Variants in COL6A6 observed in about 807,000 individuals in gnomAD.
COL6A6 encodes collagen type VI alpha 6 chain.
Under a neutral mutation model 208.6 loss-of-function variants are expected in COL6A6, and 183 were observed. That is an observed-to-expected ratio of 0.88 (90% CI 0.78 to 0.99). The LOEUF (loss-of-function observed/expected upper bound fraction) is 0.99. Ranked by LOEUF, COL6A6 falls within the 50% of genes least tolerant of loss-of-function variation. COL6A6 has a pLI of 0.00. For synonymous variants in COL6A6, 973 were observed against 1,011.8 expected, an observed-to-expected ratio of 0.96 and a Z score of 0.73; for missense variants, 2,816 against 2,815.2, an observed-to-expected ratio of 1.00 and a Z score of -0.01.
intron 20 of COL6A6, among the ~76,000 whole-genome samples, chr3:130,606,373 ATGTT>A (rs1238454305): frequency 6.9e-6 from 1 of 145,140 alleles, no homozygotes; most frequent in African/African-American, 2.8e-5. Context: ...TAGCTTTTGA[ATGTT>A]TGAGATAATT....
intron 33 of COL6A6, among the ~76,000 whole-genome samples, chr3:130,657,726 T>A (rs1005201116): frequency 6.6e-6 from 1 of 152,156 alleles, no homozygotes; most frequent in African/African-American, 2.4e-5. Flanking sequence ...TCAGCTATGG[T>A]TGAAGACAGA....
At chr3:130,519,281 A>G (rs1448396245) in intron 1 of COL6A6, among the ~76,000 whole-genome samples, 2 of 152,206 alleles carry the variant, frequency 1.3e-5, no homozygotes, top group Admixed American at 1.3e-4. Context: ...CAATGGTCTT[A>G]AAAATGACTA....
upstream of COL6A6, among the ~76,000 whole-genome samples, chr3:130,517,115 G>T (rs1328247694): frequency 6.6e-6 from 1 of 152,174 alleles, no homozygotes; most frequent in Non-Finnish European, 1.5e-5. Flanking sequence ...CCGCCGGGGC[G>T]GGGAAGGGTC....
At chr3:130,645,312 T>C (rs553056043) in intron 32 of COL6A6, among the ~76,000 whole-genome samples, 70 of 152,342 alleles carry the variant, frequency 4.6e-4, no homozygotes, top group African/African-American at 1.2e-3. Context: ...TGTTGGGGTT[T>C]TTTTTAGACA....
intron 35 of COL6A6, 26 bp downstream of exon 35, chr3:130,662,334 T>C (rs2065959492): frequency 1.3e-6 from 2 of 1,590,216 alleles, no homozygotes; most frequent in Non-Finnish European, 1.7e-6. Flanking sequence ...TGTTGTTCTC[T>C]GCACTTTAAG....
rs748094274 is a variant in COL6A6, at chr3:130,591,101, C to G, written c.4272+7C>G. 1 of 1,574,670 alleles carries G rather than the reference C, an allele frequency of 6.4e-7. No individual in the cohort carries two copies. Among genetic ancestry groups the G allele is most frequent in the Non-Finnish European group, 8.6e-7 (1 of 1,156,902 alleles). On this transcript the variant is annotated splice_region_variant and intron_variant, in intron 13 of 36. Coordinates refer to ENST00000358511, the MANE Select transcript of COL6A6 (RefSeq NM_001102608.3). ...GGGAGAGGAGGGAATCGCTGTAAGTCAGGGCTCTTTTTTACCTCCATTTAT... is the reference window on the plus strand; with the variant it reads ...GGGAGAGGAGGGAATCGCTGTAAGTGAGGGCTCTTTTTTACCTCCATTTAT...
chr3:130,531,868 G>A (rs754741896), intron 1 of COL6A6, among the ~76,000 whole-genome samples: 4 of 152,128 alleles, frequency 2.6e-5, no homozygotes, highest in Non-Finnish European at 5.9e-5. Context: ...TGGTTATAAT[G>A]TAAAAGCAAT....
intron 22 of COL6A6, among the ~76,000 whole-genome samples, chr3:130,610,318 A>G (rs1375636701): frequency 1.3e-5 from 2 of 152,212 alleles, no homozygotes; most frequent in Non-Finnish European, 1.5e-5. Flanking sequence ...TTTCAGATGT[A>G]TATTTGTAAG....
chr3:130,673,220 A>C lies in COL6A6; in HGVS notation c.6597-1982A>C, dbSNP rs577607556. 7.7e-4 allele frequency among the ~76,000 whole-genome samples: 100 copies of C among 129,638 alleles called. 1 individual carries two copies. The highest frequency in any genetic ancestry group is 1.1e-3 in the Non-Finnish European group (68 of 60,810). The allele number at this position is 129,638 out of a possible 152,430, so 85.0% of individuals were successfully genotyped here. ...AAAACAAAAAAAACAAAAAAAACAAAAAAAAAAAACAAAACCCAAGTGCAA... is the reference window on the plus strand; with the variant it reads ...AAAACAAAAAAAACAAAAAAAACAACAAAAAAAAACAAAACCCAAGTGCAA... On this transcript the variant is annotated intron_variant, in intron 36 of 36. Coordinates refer to ENST00000358511, the MANE Select transcript of COL6A6 (RefSeq NM_001102608.3).
chr3:130,526,980 G>A (rs113471422), intron 1 of COL6A6, among the ~76,000 whole-genome samples: 31 of 146,438 alleles, frequency 2.1e-4, no homozygotes, highest in African/African-American at 3.0e-4. Context: ...ATCGGTCTCC[G>A]AGAGTTTAAG....
At position 130,560,447 on chromosome 3, in the gene COL6A6, G is replaced by T. The variant is rs766365326; in HGVS notation, c.64+19G>T. Reference sequence around the variant, plus strand: ...GATTCCGGTAAGGAAAAACTGGAAAGAATTCTTAATTTTGATTATAGAAAA... The same window carrying T: ...GATTCCGGTAAGGAAAAACTGGAAATAATTCTTAATTTTGATTATAGAAAA... On this transcript the variant is annotated intron_variant, in intron 2 of 36. Coordinates refer to ENST00000358511, the MANE Select transcript of COL6A6 (RefSeq NM_001102608.3). 1 of 1,594,132 alleles carries T rather than the reference G, an allele frequency of 6.3e-7. No individual in the cohort carries two copies. Among genetic ancestry groups the T allele is most frequent in the African/African-American group, 1.3e-5 (1 of 74,396 alleles).
intron 21 of COL6A6, among the ~76,000 whole-genome samples, chr3:130,608,560 TGTG>T (rs1476987175): frequency 6.6e-6 from 1 of 152,010 alleles, no homozygotes; most frequent in African/African-American, 2.4e-5. Flanking sequence ...TTGAAGAAAA[TGTG>T]AACTAAATTT....
chr3:130,639,893 G>T (rs1019020826), intron 28 of COL6A6, among the ~76,000 whole-genome samples: 2 of 152,106 alleles, frequency 1.3e-5, no homozygotes, highest in Non-Finnish European at 2.9e-5. Context: ...GGAGAGTAAA[G>T]GTCTGGCTGC....
At chr3:130,627,170 T>A in intron 25 of COL6A6, 149 bp from the exon 26 acceptor site, 1 of 648,450 alleles carries the variant, frequency 1.5e-6, no homozygotes, top group Non-Finnish European at 2.8e-6. Context: ...ACTACTATCA[T>A]AAAATGTTGG....
chr3:130,581,910 A>G lies in COL6A6; in HGVS notation c.3891+6A>G. 2.5e-6 allele frequency: 4 copies of G among 1,600,908 alleles called. No homozygotes were observed. Among genetic ancestry groups the G allele is most frequent in the African/African-American group, 1.3e-5 (1 of 74,562 alleles). ...AATCAGCTGCTCGAGGAAAGGTAAC[A>G]TGGATTTATCTTATTTGTTGGTCTA... On this transcript the variant is annotated splice_donor_region_variant and intron_variant, in intron 9 of 36. Coordinates refer to ENST00000358511, the MANE Select transcript of COL6A6 (RefSeq NM_001102608.3).
chr3:130,547,871 CGCT>C (rs373656723), intron 1 of COL6A6, among the ~76,000 whole-genome samples: 48 of 152,292 alleles, frequency 3.2e-4, no homozygotes, highest in African/African-American at 1.1e-3. Context: ...CGTCTCGGCT[CGCT>C]GCAACCTTCG....
Position 130,568,221 on chromosome 3 carries a change from A to C in COL6A6, c.2018A>C (p.Glu673Ala). The change falls in exon 6 of 37, where the codon GAG (glutamate) becomes GCG (alanine). Residue 673 changes from glutamate (E) to alanine (A), a missense_variant. Transcript: ENST00000358511. ...VVQFSDINKEEFQLNRFMSQS... is the reference protein window; with the variant it reads ...VVQFSDINKEAFQLNRFMSQS... ...CAGTTCAGCGACATCAATAAGGAAG[A>C]GTTTCAGCTCAACAGATTCATGTCC... 3 of 1,614,014 alleles carry C rather than the reference A, an allele frequency of 1.9e-6. No homozygotes were observed. The highest frequency in any genetic ancestry group is 2.5e-6 in the Non-Finnish European group (3 of 1,179,886).
In COL6A6 at chr3:130,556,192, A is replaced by C. The variant is rs188912521; in HGVS notation, c.-31-4142A>C. On this transcript the variant is annotated intron_variant, in intron 1 of 36. Transcript: ENST00000358511. ...AAGATAATGGCCTACCGTTCCATCC[A>C]TGTTGCTGCAAAAGGCATGATTTTT... is the stretch of plus-strand genomic sequence containing the variant. 3.2e-4 allele frequency among the ~76,000 whole-genome samples: 48 copies of C among 152,314 alleles called. 1 individual carries two copies. The highest frequency in any genetic ancestry group is 3.1e-3 in the Admixed American group (47 of 15,300).
rs181272556 is a variant in COL6A6, at chr3:130,658,810, A to G, written c.5830+38A>G. 4 of 1,444,312 alleles carry G rather than the reference A, an allele frequency of 2.8e-6. No homozygotes were observed. The African/African-American group carries it at 4.2e-5, about 15-fold the overall frequency. The allele number at this position is 1,444,312 out of a possible 1,614,324, so 89.5% of individuals were successfully genotyped here. On this transcript the variant is annotated intron_variant, in intron 34 of 36. Transcript: ENST00000358511. ...GAGAGAAGGTAATTTGGTCAGGCCT[A>G]TTAAGCATGATGAGTCACCACTGGC...
Sources: allele counts gnomAD v4.1 joint callset (sites outside exome capture counted in the v4.1 genomes callset), GRCh38; gene constraint gnomAD v4.1.1; transcripts MANE v1.5; gene names NCBI Gene and HGNC (gene_info 2026-07-23, HGNC 2026-07-21).